ERN1: variants seen among roughly 807,000 people sequenced by gnomAD.
The protein encoded by ERN1 is endoplasmic reticulum to nucleus signaling 1, also known as serine/threonine-protein kinase/endoribonuclease IRE1.
ERN1 carries 39 observed loss-of-function variants against 113.1 expected under a neutral mutation model. The observed-to-expected ratio is 0.34, with a 90% CI of 0.27 to 0.45. The LOEUF (loss-of-function observed/expected upper bound fraction) is 0.45. Ranked by LOEUF, ERN1 falls within the 20% of genes least tolerant of loss-of-function variation. The probability of loss-of-function intolerance (pLI) is 1.00; values close to 1 mark genes in which losing one functional copy is unlikely to be tolerated. For synonymous variants in ERN1, 507 were observed against 515.9 expected (o/e 0.98, Z 0.23); for missense variants, 976 against 1,274.8 (o/e 0.77, Z 3.57).
Position 64,055,958 on chromosome 17 carries a change from GA to G in ERN1, c.1399-11del, listed in dbSNP as rs1912855276. 1 of 1,531,556 alleles carries G rather than the reference GA, an allele frequency of 6.5e-7. No homozygotes were observed. The highest frequency in any genetic ancestry group is 1.4e-5 in the African/African-American group (1 of 72,558). 94.9% of individuals were successfully genotyped at this position (1,531,556 alleles called of 1,614,324 possible). A position where few individuals can be genotyped will look rare whatever the true frequency, so the allele number is the denominator to read the frequency against. The stretch of plus-strand genomic sequence containing the variant: ...GCTGCTGATGCATGCTCTGGGAAGA[GA>G]AACCCACATCCAGACAAGGGCAGCT... On this transcript the variant is annotated splice_polypyrimidine_tract_variant and intron_variant, in intron 12 of 21. Transcript: ENST00000433197.
Position 64,064,150 on chromosome 17 carries a change from G to A in ERN1, c.923C>T (p.Pro308Leu). The change falls in exon 10 of 22, where the codon CCC becomes CTC. Residue 308 changes from proline to leucine, a missense_variant and splice_region_variant. Physicochemically the swap from Pro to Leu is moderately conservative, Grantham distance 98 (BLOSUM62 -3). Around this residue, in one of 5 missense-constraint regions of ERN1, gnomAD observed 459 missense variants for 581.2 expected, o/e 0.79. Coordinates refer to ENST00000433197, the MANE Select transcript of ERN1 (RefSeq NM_001433.5). ...SMVHEGVAVV[P>L]RGSTLPLLEG... Reference sequence around the variant, plus strand: ...CAGCAAAGGAAGTGTGCTGCCGCGGGGCTGTGGAGAGGGTGCAGTGAGGGT... The same window carrying A: ...CAGCAAAGGAAGTGTGCTGCCGCGGAGCTGTGGAGAGGGTGCAGTGAGGGT... 6.3e-7 allele frequency: 1 copy of A among 1,592,474 alleles called. No homozygotes were observed.
chr17:64,090,302 G>A (rs1026427862), intron 2 of ERN1, among the ~76,000 whole-genome samples: 7 of 152,156 alleles, frequency 4.6e-5, no homozygotes, highest in East Asian at 3.8e-4. Context: ...TGGCAAAGAC[G>A]ATCACATAGA....
intron 1 of ERN1, chr17:64,102,528 G>T: frequency 2.2e-6 from 1 of 449,900 alleles, no homozygotes; most frequent in Non-Finnish European, 2.9e-6. Flanking sequence ...AAACAAAAAT[G>T]ACAAATTTTC....
chr17:64,111,988 G>A (rs575062162), intron 1 of ERN1, among the ~76,000 whole-genome samples: 7 of 152,266 alleles, frequency 4.6e-5, no homozygotes, highest in African/African-American at 1.7e-4. Flanking sequence ...CTCATGGGCA[G>A]ACAGCAATAA....
chr17:64,048,124 G>T, intron 18 of ERN1, 139 bp from the exon 19 acceptor site: 1 of 836,286 alleles, frequency 1.2e-6, no homozygotes, highest in Non-Finnish European at 1.8e-6. Flanking sequence ...ATTAGGAACA[G>T]ACACAAAACC....
chr17:64,079,610 G>A, intron 4 of ERN1, 52 bp downstream of exon 4: 1 of 1,431,086 alleles, frequency 7.0e-7, no homozygotes, highest in Non-Finnish European at 9.9e-7. Flanking sequence ...ACACACTTAA[G>A]GACCGCTGGT....
intron 1 of ERN1, among the ~76,000 whole-genome samples, chr17:64,101,310 G>T (rs986406770): frequency 6.6e-6 from 1 of 152,076 alleles, no homozygotes; most frequent in Non-Finnish European, 1.5e-5. Flanking sequence ...TAGAGACGCT[G>T]AGGCAGAAGA....
At chr17:64,098,004 T>C in intron 2 of ERN1, 117 bp downstream of exon 2, 1 of 1,339,960 alleles carries the variant, frequency 7.5e-7, no homozygotes, top group South Asian at 1.4e-5. Context: ...CCCATTCTTC[T>C]TTATTTCTTA....
chr17:64,052,783 G>A lies in ERN1; in HGVS notation c.2250C>T (p.Asn750=), dbSNP rs1912726008. ...AGGGCCATAGCCTATTACTCACAGG[G>A]TTCTCCTTACAGTCTTCGCTCAGCA... The part of the protein sequence containing the change: ...PEMLSEDCKE[N]PTYTVDIFSA... The change falls in exon 17 of 22, where the codon AAC becomes AAT. Residue 750 remains asparagine, a synonymous_variant. Coordinates refer to ENST00000433197, the MANE Select transcript of ERN1 (RefSeq NM_001433.5). The A allele has an allele frequency of 1.9e-6, 3 of 1,613,240 alleles. No individual in the cohort carries two copies. Among genetic ancestry groups the A allele is most frequent in the South Asian group, 1.1e-5 (1 of 91,070 alleles).
At chr17:64,066,638 G>A in intron 8 of ERN1, 33 bp downstream of exon 8, 6 of 1,609,916 alleles carry the variant, frequency 3.7e-6, no homozygotes, top group Non-Finnish European at 4.2e-6. Flanking sequence ...GAAGGCCACG[G>A]CCGCCCTCTC....
chr17:64,056,035 G>A, intron 12 of ERN1, 87 bp from the exon 13 acceptor site: 1 of 1,457,450 alleles, frequency 6.9e-7, no homozygotes, highest in Non-Finnish European at 9.1e-7. Flanking sequence ...CAGTGGCGGA[G>A]GGAGCATGTG....
At chr17:64,107,524 G>A (rs2143474870) in intron 1 of ERN1, among the ~76,000 whole-genome samples, 1 of 152,066 alleles carries the variant, frequency 6.6e-6, no homozygotes, top group South Asian at 2.1e-4. Flanking sequence ...GTCCTACTAT[G>A]TTGCCCAGGC....
chr17:64,058,137 A>C, intron 11 of ERN1, 144 bp from the exon 12 acceptor site: 9 of 656,030 alleles, frequency 1.4e-5, no homozygotes, highest in South Asian at 2.2e-5. Context: ...ACCAAAGATC[A>C]TGTAGCCAGA....
Position 64,073,027 on chromosome 17 carries a change from A to C in ERN1, c.356-924T>G, listed in dbSNP as rs1249833078. On this transcript the variant is annotated intron_variant, in intron 5 of 21. Coordinates refer to ENST00000433197, the MANE Select transcript of ERN1 (RefSeq NM_001433.5). ...AAATTTTTTTTTTTTTTTTTTTGAG[A>C]CAGAGTCTTGCTCTGTCGCCCAAGG... 4.2e-5 allele frequency among the ~76,000 whole-genome samples: 6 copies of C among 143,114 alleles called. 1 individual carries two copies. The East Asian group carries it at 1.2e-3, about 29-fold the overall frequency. 93.9% of individuals were successfully genotyped at this position (143,114 alleles called of 152,430 possible). A position where few individuals can be genotyped will look rare whatever the true frequency, so the allele number is the denominator to read the frequency against.
chr17:64,125,092 G>T (rs182811396), intron 1 of ERN1, among the ~76,000 whole-genome samples: 1 of 152,150 alleles, frequency 6.6e-6, no homozygotes, highest in Non-Finnish European at 1.5e-5. Context: ...AAAACCCACC[G>T]AATTGTACAC....
intron 4 of ERN1, among the ~76,000 whole-genome samples, chr17:64,076,177 C>A (rs780515978): frequency 2.0e-5 from 3 of 152,168 alleles, no homozygotes; most frequent in Non-Finnish European, 2.9e-5. Flanking sequence ...TTGGTTAATG[C>A]TTGTTTCAGT....
At position 64,073,594 on chromosome 17, in the gene ERN1, C is replaced by T. The variant is rs555883689; in HGVS notation, c.356-1491G>A. Among the ~76,000 whole-genome samples the T allele has an allele frequency of 5.9e-5, 9 of 152,256 alleles. No homozygotes were observed. The South Asian group carries it at 8.3e-4, about 14-fold the overall frequency. On this transcript the variant is annotated intron_variant, in intron 5 of 21. Transcript: ENST00000433197. The stretch of plus-strand genomic sequence containing the variant: ...GCAACCTCCGCCTCCAGGGTTCAAG[C>T]GATACTGCTGCCTCAGCCTCCTGAG...
chr17:64,055,911 A>T lies in ERN1; in HGVS notation c.1436T>A (p.Phe479Tyr). The change falls in exon 13 of 22, where the codon TTC becomes TAC. Residue 479 changes from phenylalanine to tyrosine, a missense_variant. Transcript: ENST00000433197. ...HQQQQLQHQQFQKELEKIQLL... is the reference protein window; with the variant it reads ...HQQQQLQHQQYQKELEKIQLL... ...CTGGATCTTCTCCAGTTCCTTCTGG[A>T]ACTGCTGGTGCTGGAGCTGCTGCTG... 6.5e-7 allele frequency: 1 copy of T among 1,549,286 alleles called. No individual in the cohort carries two copies. The highest frequency in any genetic ancestry group is 8.7e-7 in the Non-Finnish European group (1 of 1,146,194).
chr17:64,087,070 T>C (rs969672266), intron 2 of ERN1, among the ~76,000 whole-genome samples: 2 of 152,188 alleles, frequency 1.3e-5, no homozygotes, highest in Admixed American at 1.3e-4. Context: ...GAGATTCCTA[T>C]GGAATTTTTA....
Sources: allele counts gnomAD v4.1 joint callset (sites outside exome capture counted in the v4.1 genomes callset), GRCh38; gene constraint gnomAD v4.1.1; regional missense constraint gnomAD v4.1.1; transcripts MANE v1.5; gene names NCBI Gene and HGNC (gene_info 2026-07-23, HGNC 2026-07-21).